Variants in PDSS2 observed in about 807,000 individuals in gnomAD.
PDSS2 encodes decaprenyl diphosphate synthase subunit 2.
Under a neutral mutation model 44.5 loss-of-function variants are expected in PDSS2, and 31 were observed. That is an observed-to-expected ratio of 0.70 (90% CI 0.52 to 0.94). The LOEUF (loss-of-function observed/expected upper bound fraction) is 0.94. Among genes scored for constraint, PDSS2 ranks in the 40% least tolerant of loss-of-function variants. The pLI is 0.00. For synonymous variants in PDSS2, 157 were observed against 180.3 expected (o/e 0.87, Z 1.03); for missense variants, 452 against 482.2 (o/e 0.94, Z 0.59).
intron 1 of PDSS2, among the ~76,000 whole-genome samples, chr6:107,455,675 A>C (rs987853784): frequency 1.3e-5 from 2 of 148,246 alleles, no homozygotes; most frequent in Non-Finnish European, 3.0e-5. Flanking sequence ...AATTGCTTGA[A>C]CCAGGGTGTC....
At chr6:107,350,286 A>G (rs1239784088) in intron 1 of PDSS2, among the ~76,000 whole-genome samples, 4 of 152,240 alleles carry the variant, frequency 2.6e-5, no homozygotes, top group African/African-American at 9.6e-5. Context: ...CTTTGAAACT[A>G]TATAAATATC....
chr6:107,414,385 C>T (rs546295492), intron 1 of PDSS2, among the ~76,000 whole-genome samples: 1 of 152,246 alleles, frequency 6.6e-6, no homozygotes, highest in Admixed American at 6.5e-5. Flanking sequence ...ATATCAGAAA[C>T]CAGACTAGGA....
intron 2 of PDSS2, among the ~76,000 whole-genome samples, chr6:107,313,130 C>A (rs1192239762): frequency 3.9e-5 from 6 of 152,142 alleles, no homozygotes; most frequent in Admixed American, 2.6e-4. Context: ...TCTAGGCCTA[C>A]TCCAGGAAAT....
intron 2 of PDSS2, among the ~76,000 whole-genome samples, chr6:107,300,643 C>T (rs1042161391): frequency 4.6e-5 from 7 of 152,136 alleles, no homozygotes; most frequent in Non-Finnish European, 8.8e-5. Flanking sequence ...GGACAATGAT[C>T]GGGATATAAA....
chr6:107,444,027 ACT>A (rs754623433), intron 1 of PDSS2, among the ~76,000 whole-genome samples: 11 of 152,070 alleles, frequency 7.2e-5, no homozygotes, highest in South Asian at 2.1e-4. Flanking sequence ...TGACATAGCT[ACT>A]ATTATTTATT....
chr6:107,425,763 CA>C, intron 1 of PDSS2, among the ~76,000 whole-genome samples: 1 of 152,200 alleles, frequency 6.6e-6, no homozygotes, highest in African/African-American at 2.4e-5. Context: ...AAATCGAGAC[CA>C]TCCTGGCTAA....
chr6:107,190,546 T>C (rs1002758211), intron 7 of PDSS2, among the ~76,000 whole-genome samples: 1 of 152,212 alleles, frequency 6.6e-6, no homozygotes, highest in African/African-American at 2.4e-5. Context: ...CATTATAATA[T>C]AACAGAGTAA....
chr6:107,261,187 C>G (rs970393479), intron 3 of PDSS2, among the ~76,000 whole-genome samples: 1 of 152,214 alleles, frequency 6.6e-6, no homozygotes, highest in South Asian at 2.1e-4. Flanking sequence ...TTTCTTCACT[C>G]CAGCAGGCTT....
chr6:107,323,390 G>A (rs1297932591), intron 2 of PDSS2, among the ~76,000 whole-genome samples: 3 of 152,112 alleles, frequency 2.0e-5, no homozygotes, highest in Non-Finnish European at 2.9e-5. Context: ...ACTTATTCTG[G>A]ACCACAGGAT....
At chr6:107,425,107 C>T (rs1053124872) in intron 1 of PDSS2, among the ~76,000 whole-genome samples, 1 of 152,166 alleles carries the variant, frequency 6.6e-6, no homozygotes, top group Non-Finnish European at 1.5e-5. Flanking sequence ...CATTGCCTTC[C>T]ACCATGATTG....
chr6:107,254,940 T>C (rs1377879925), intron 3 of PDSS2, among the ~76,000 whole-genome samples: 8 of 150,298 alleles, frequency 5.3e-5, no homozygotes, highest in Admixed American at 2.0e-4. Context: ...CTCGGCTCAC[T>C]CCAACTGCCA....
chr6:107,286,138 A>AAT (rs1562435605), intron 2 of PDSS2, among the ~76,000 whole-genome samples: 9 of 150,306 alleles, frequency 6.0e-5, no homozygotes, highest in African/African-American at 1.5e-4. Context: ...TCGCAAAATA[A>AAT]AAAAAAAAAA....
At chr6:107,438,711 G>C (rs1331000466) in intron 1 of PDSS2, among the ~76,000 whole-genome samples, 1 of 152,138 alleles carries the variant, frequency 6.6e-6, no homozygotes, top group Admixed American at 6.5e-5. Context: ...AGGTAATCAA[G>C]AGCTGGCAAA....
intron 4 of PDSS2, among the ~76,000 whole-genome samples, chr6:107,243,078 G>T (rs762944379): frequency 6.6e-6 from 1 of 152,118 alleles, no homozygotes; most frequent in African/African-American, 2.4e-5. Flanking sequence ...GCCCTTCAAA[G>T]ACTTTGTTGC....
At chr6:107,452,270 C>T (rs1781892061) in intron 1 of PDSS2, among the ~76,000 whole-genome samples, 1 of 151,300 alleles carries the variant, frequency 6.6e-6, no homozygotes, top group African/African-American at 2.4e-5. Context: ...CAGAGTGTCA[C>T]TCTGTTGCCC....
At position 107,209,784 on chromosome 6, in the gene PDSS2, C is replaced by T. The variant is rs560187167; in HGVS notation, c.1008+655G>A. On this transcript the variant is annotated intron_variant, in intron 6 of 7. Transcript: ENST00000369037. ...CTGTGCCTGGTTTCTCTGTCCAGAG[C>T]CTCAGATTAACCCAACCAATTACAG... Among the ~76,000 whole-genome samples the T allele has an allele frequency of 2.4e-4, 37 of 152,044 alleles. No individual in the cohort carries two copies. The East Asian group carries it at 6.6e-3, about 27-fold the overall frequency.
intron 7 of PDSS2, among the ~76,000 whole-genome samples, chr6:107,192,880 G>C (rs559774498): frequency 6.6e-6 from 1 of 152,148 alleles, no homozygotes; most frequent in Non-Finnish European, 1.5e-5. Context: ...AGGAGAGTGC[G>C]AGGTTCCAGG....
intron 3 of PDSS2, among the ~76,000 whole-genome samples, chr6:107,271,887 G>C (rs576702406): frequency 3.3e-5 from 5 of 151,688 alleles, no homozygotes; most frequent in Admixed American, 3.3e-4. Context: ...AAAGGCAAAA[G>C]CCCGTCTCTA....
At chr6:107,365,547 AAC>A (rs1778935715) in intron 1 of PDSS2, among the ~76,000 whole-genome samples, 1 of 152,178 alleles carries the variant, frequency 6.6e-6, no homozygotes, top group Non-Finnish European at 1.5e-5. Flanking sequence ...GAATGGACAA[AAC>A]AACCCACTTA....
Sources: allele counts gnomAD v4.1 joint callset (sites outside exome capture counted in the v4.1 genomes callset), GRCh38; gene constraint gnomAD v4.1.1; transcripts MANE v1.5; gene names NCBI Gene and HGNC (gene_info 2026-07-23, HGNC 2026-07-21).